Variants in GNG5 observed in about 807,000 individuals in gnomAD.
GNG5 encodes the protein G protein subunit gamma 5.
Under a neutral mutation model 6.2 loss-of-function variants are expected in GNG5, and 2 were observed. That is an observed-to-expected ratio of 0.32 (90% CI 0.13 to 1.01). GNG5 has a LOEUF of 1.01. Among genes scored for constraint, GNG5 ranks in the 50% least tolerant of loss-of-function variants. The pLI, the probability that GNG5 is intolerant of heterozygous loss-of-function variation, is 0.48. For missense variants in GNG5, 57 were observed against 80.2 expected, an observed-to-expected ratio of 0.71 and a Z score of 1.10; for synonymous variants, 24 against 33.0, an observed-to-expected ratio of 0.73 and a Z score of 0.93.
chr1:84,502,606 CA>C (rs1682081592), intron 2 of GNG5, among the ~76,000 whole-genome samples: 1 of 152,136 alleles, frequency 6.6e-6, no homozygotes, highest in African/African-American at 2.4e-5. Flanking sequence ...TGTTCAAGTG[CA>C]AACCTGAGGG....
At chr1:84,504,937 T>G (rs539712981) in intron 2 of GNG5, among the ~76,000 whole-genome samples, 1 of 152,348 alleles carries the variant, frequency 6.6e-6, no homozygotes, top group African/African-American at 2.4e-5. Context: ...CTGAGTAAGC[T>G]AGGTCTCTGA....
At chr1:84,498,937 G>T (rs1681997195) in intron 3 of GNG5, among the ~76,000 whole-genome samples, 2 of 152,152 alleles carry the variant, frequency 1.3e-5, no homozygotes, top group South Asian at 4.1e-4. Context: ...CAGACATAGA[G>T]AAACATGTAC....
intron 2 of GNG5, among the ~76,000 whole-genome samples, chr1:84,505,141 GA>G (rs1366708711): frequency 6.6e-6 from 1 of 152,138 alleles, no homozygotes; most frequent in Non-Finnish European, 1.5e-5. Context: ...TATTGTACCA[GA>G]AAGAAGCCAA....
intron 3 of GNG5, 124 bp downstream of exon 3, chr1:84,501,700 CAG>C (rs1682060454): frequency 3.2e-6 from 2 of 618,108 alleles, no homozygotes; most frequent in East Asian, 5.5e-5. Flanking sequence ...CCTTGCAAAA[CAG>C]AAAAATACTG....
At position 84,506,552 on chromosome 1, in the gene GNG5, C is replaced by G. The variant is rs1682254114; in HGVS notation, c.-327G>C. 1 of 154,220 alleles carries G rather than the reference C, an allele frequency of 6.5e-6. No homozygotes were observed. Among genetic ancestry groups the G allele is most frequent in the African/African-American group, 2.4e-5 (1 of 41,472 alleles). 9.6% of individuals were successfully genotyped at this position (154,220 alleles called of 1,614,324 possible). On this transcript the variant is annotated 5_prime_UTR_variant, in exon 1 of 4. Coordinates refer to ENST00000370645, the MANE Select transcript of GNG5 (RefSeq NM_005274.3). Reference sequence around the variant, plus strand: ...GACCAGGAGGTCTCAGTTTTCCTCCCAGTTTGTGGGAAGGGTTGAGGGAAG... The same window carrying G: ...GACCAGGAGGTCTCAGTTTTCCTCCGAGTTTGTGGGAAGGGTTGAGGGAAG...
intron 2 of GNG5, among the ~76,000 whole-genome samples, chr1:84,503,446 A>C (rs758001237): frequency 6.6e-6 from 1 of 152,336 alleles, no homozygotes; most frequent in South Asian, 2.1e-4. Flanking sequence ...CTTATACAGC[A>C]GTCCAGAGTA....
At position 84,506,428 on chromosome 1, in the gene GNG5, G is replaced by A. The variant is rs1326785212; in HGVS notation, c.-211+8C>T. 5.5e-6 allele frequency: 1 copy of A among 183,212 alleles called. No individual in the cohort carries two copies. The highest frequency in any genetic ancestry group is 1.1e-5 in the Non-Finnish European group (1 of 87,630). The allele number at this position is 183,212 out of a possible 1,614,324, so 11.3% of individuals were successfully genotyped here. On this transcript the variant is annotated splice_region_variant and intron_variant, in intron 1 of 3. Transcript: ENST00000370645. ...GGCCGATTAGGGAGAGGTAAGGAGA[G>A]AGCTTACCGTTAGCCGCGAAGAACT...
At chr1:84,502,007 T>C in intron 2 of GNG5, 37 bp from the exon 3 acceptor site, 3 of 1,561,574 alleles carry the variant, frequency 1.9e-6, no homozygotes, top group Non-Finnish European at 2.6e-6. Flanking sequence ...TGCCAGATGG[T>C]GAGAACATTT....
chr1:84,502,300 G>C (rs540464805), intron 2 of GNG5, among the ~76,000 whole-genome samples: 1 of 151,740 alleles, frequency 6.6e-6, no homozygotes, highest in East Asian at 1.9e-4. Context: ...CGCCCAGCTA[G>C]TTTTTCTATT....
chr1:84,503,317 T>C (rs960353353), intron 2 of GNG5, among the ~76,000 whole-genome samples: 5 of 152,152 alleles, frequency 3.3e-5, no homozygotes, highest in Admixed American at 3.3e-4. Flanking sequence ...AGGGAATTAA[T>C]AGCATCACAA....
Position 84,506,160 on chromosome 1 carries a change from A to T in GNG5, c.-69T>A. ...GGGCCGTGGGTCGGCGGGGCCAGACAACTCAGCGGCGCGCGGCGGGGGCGG... is the reference window on the plus strand; with the variant it reads ...GGGCCGTGGGTCGGCGGGGCCAGACTACTCAGCGGCGCGCGGCGGGGGCGG... On this transcript the variant is annotated 5_prime_UTR_variant, in exon 2 of 4. An upstream open reading frame in the 5' UTR gains an earlier in-frame stop. Transcript: ENST00000370645. 1.5e-6 allele frequency: 2 copies of T among 1,322,212 alleles called. No individual in the cohort carries two copies. The allele number at this position is 1,322,212 out of a possible 1,614,324, so 81.9% of individuals were successfully genotyped here.
In GNG5 at chr1:84,506,139, CG is replaced by C; in HGVS notation, c.-49del. On this transcript the variant is annotated 5_prime_UTR_variant, in exon 2 of 4. Coordinates refer to ENST00000370645, the MANE Select transcript of GNG5 (RefSeq NM_005274.3). ...ATTCGTGGGTCGGTGGGTCGTGGGCCGTGGGTCGGCGGGGCCAGACAACTCA... is the reference window on the plus strand; with the variant it reads ...ATTCGTGGGTCGGTGGGTCGTGGGCCTGGGTCGGCGGGGCCAGACAACTCA... The C allele has an allele frequency of 6.6e-7, 1 of 1,505,922 alleles. No homozygotes were observed. Among genetic ancestry groups the C allele is most frequent in the Middle Eastern group, 1.7e-4 (1 of 5,762 alleles). 93.3% of individuals were successfully genotyped at this position (1,505,922 alleles called of 1,614,324 possible).
rs1211995551 is a variant in GNG5 at position 84,506,322 on chromosome 1, G to C, written c.-210-21C>G. On this transcript the variant is annotated intron_variant, in intron 1 of 3. Transcript: ENST00000370645. ...CGAGCCTGGAGGAGGGGGAGGAGAA[G>C]GGGCGGAGCAGTCGGTGGGCGCGGC... 3 of 397,182 alleles carry C rather than the reference G, an allele frequency of 7.6e-6. No homozygotes were observed. The Admixed American group carries it at 1.4e-4, about 19-fold the overall frequency. 24.6% of individuals were successfully genotyped at this position (397,182 alleles called of 1,614,324 possible). A position where few individuals can be genotyped will look rare whatever the true frequency, so the allele number is the denominator to read the frequency against.
intron 3 of GNG5, among the ~76,000 whole-genome samples, chr1:84,499,064 T>C (rs1400287805): frequency 6.6e-6 from 1 of 152,224 alleles, no homozygotes; most frequent in Non-Finnish European, 1.5e-5. Context: ...AAAGCTATTA[T>C]AAGTTATGCC....
chr1:84,505,965 CGCCGCCGCCGCCTTCCTCCCGCCTCG>C lies in GNG5; in HGVS notation c.81+20_81+45del, dbSNP rs1305084775. 1 of 1,281,050 alleles carries C rather than the reference CGCCGCCGCCGCCTTCCTCCCGCCTCG, an allele frequency of 7.8e-7. No homozygotes were observed. The highest frequency in any genetic ancestry group is 2.8e-5 in the Admixed American group (1 of 35,314). 79.4% of individuals were successfully genotyped at this position (1,281,050 alleles called of 1,614,324 possible). A position where few individuals can be genotyped will look rare whatever the true frequency, so the allele number is the denominator to read the frequency against. The stretch of plus-strand genomic sequence containing the variant: ...GCCAGCTGGGCCGCCGGATCCCACC[CGCCGCCGCCGCCTTCCTCCCGCCTCG>C]GCCGCCCGCCCCCGCTCACTTTTAC... On this transcript the variant is annotated intron_variant, in intron 2 of 3. Coordinates refer to ENST00000370645, the MANE Select transcript of GNG5 (RefSeq NM_005274.3).
intron 3 of GNG5, among the ~76,000 whole-genome samples, 193 bp downstream of exon 3, chr1:84,501,633 T>C: frequency 6.6e-6 from 1 of 152,280 alleles, no homozygotes; most frequent in East Asian, 1.9e-4. Context: ...TATGGTAAAA[T>C]AGAAACGATT....
At chr1:84,505,421 G>A (rs932443713) in intron 2 of GNG5, among the ~76,000 whole-genome samples, 4 of 152,166 alleles carry the variant, frequency 2.6e-5, no homozygotes, top group Non-Finnish European at 5.9e-5. Flanking sequence ...GGCACTGACC[G>A]GAACTTTACA....
chr1:84,505,957 A>C, intron 2 of GNG5, 54 bp downstream of exon 2: 1 of 1,123,872 alleles, frequency 8.9e-7, no homozygotes, highest in Non-Finnish European at 1.2e-6. Flanking sequence ...GGGCCGCCGG[A>C]TCCCACCCGC....
At chr1:84,501,474 G>C (rs1409646720) in intron 3 of GNG5, among the ~76,000 whole-genome samples, 1 of 151,018 alleles carries the variant, frequency 6.6e-6, no homozygotes, top group Non-Finnish European at 1.5e-5. Context: ...CTAAATATTT[G>C]CCAGGTACAC....
Sources: gnomAD v4.1 joint callset for allele counts (sites outside exome capture counted in the v4.1 genomes callset) on GRCh38, gnomAD v4.1.1 for gene constraint, MANE v1.5 for transcripts, NCBI Gene and HGNC (gene_info 2026-07-23, HGNC 2026-07-21) for gene names.